SPHKAP: variants seen among roughly 807,000 people sequenced by gnomAD.
The protein encoded by SPHKAP is SPHK1 interactor, AKAP domain containing.
In SPHKAP, 67 loss-of-function variants were observed where a neutral mutation model predicts 137.5. That is an observed-to-expected ratio of 0.49 (90% CI 0.40 to 0.60). The LOEUF (loss-of-function observed/expected upper bound fraction) is 0.60, where lower values mean the gene tolerates loss of function less well. Ranked by LOEUF, SPHKAP falls within the 20% of genes least tolerant of loss-of-function variation. The probability of loss-of-function intolerance (pLI) is 0.00; values close to 1 mark genes in which losing one functional copy is unlikely to be tolerated. For missense variants in SPHKAP, 2,097 were observed against 2,069.3 expected (o/e 1.01, Z -0.26); for synonymous variants, 813 against 785.3 (o/e 1.04, Z -0.59).
At position 228,025,252 on chromosome 2, in the gene SPHKAP, T is replaced by C. The variant is rs58057526; in HGVS notation, c.441+142A>G. ...TGGCTCTATTTAAGAGAAATACAAA[T>C]GCAGACTTTTCTCAAATATAAAGAC... On this transcript the variant is annotated intron_variant, in intron 5 of 11. Transcript: ENST00000392056. 5,054 of 867,262 alleles carry C rather than the reference T, an allele frequency of 5.8e-3. 151 individuals are homozygous for C. The highest frequency in any genetic ancestry group is 0.055 in the Admixed American group (1,594 of 28,844). 53.7% of individuals were successfully genotyped at this position (867,262 alleles called of 1,614,324 possible). A position where few individuals can be genotyped will look rare whatever the true frequency, so the allele number is the denominator to read the frequency against.
intron 1 of SPHKAP, among the ~76,000 whole-genome samples, chr2:228,143,891 A>G (rs1699684942): frequency 6.6e-6 from 1 of 152,162 alleles, no homozygotes; most frequent in Admixed American, 6.5e-5. Flanking sequence ...ACGGACTACC[A>G]AGTCCTGCAT....
At position 228,139,948 on chromosome 2, in the gene SPHKAP, T is replaced by TCTTTCTTTCTTTC. The variant is rs374831194; in HGVS notation, c.33-7864_33-7863insGAAAGAAAGAAAG. 1.8e-4 allele frequency among the ~76,000 whole-genome samples: 26 copies of TCTTTCTTTCTTTC among 145,384 alleles called. No individual in the cohort carries two copies. In the East Asian group the frequency reaches 4.9e-3, roughly 28 times the overall value. On this transcript the variant is annotated intron_variant, in intron 1 of 11. Coordinates refer to ENST00000392056, the MANE Select transcript of SPHKAP (RefSeq NM_001142644.2). ...TTTCTTTCTTTCTTTTTCTTTTCTT[T>TCTTTCTTTCTTTC]TTTCTTTTTCTTTTGAGATAGAGTC...
chr2:228,109,349 G>T (rs35213836), intron 2 of SPHKAP: 118,055 of 979,110 alleles, frequency 0.12, 7,685 homozygotes, highest in Non-Finnish European at 0.13. Flanking sequence ...TTCATTGATG[G>T]AATATTGATT....
At chr2:228,020,250 A>T (rs1371262877) in intron 6 of SPHKAP, 94 bp from the exon 7 acceptor site, 1 of 1,475,688 alleles carries the variant, frequency 6.8e-7, no homozygotes, top group African/African-American at 1.4e-5. Flanking sequence ...TAAAACATCA[A>T]TAAAGACACA....
chr2:228,044,394 A>G (rs1384281129), intron 3 of SPHKAP, among the ~76,000 whole-genome samples: 1 of 152,224 alleles, frequency 6.6e-6, no homozygotes, highest in Non-Finnish European at 1.5e-5. Context: ...TTAATAAAAG[A>G]CATCAAGTGG....
chr2:228,052,766 G>A (rs1696304312), intron 3 of SPHKAP, among the ~76,000 whole-genome samples: 1 of 151,940 alleles, frequency 6.6e-6, no homozygotes, highest in Admixed American at 6.6e-5. Context: ...GAGTCTTGAT[G>A]TTTTGTTTTA....
At chr2:228,037,058 A>G (rs1695647095) in intron 3 of SPHKAP, among the ~76,000 whole-genome samples, 1 of 151,890 alleles carries the variant, frequency 6.6e-6, no homozygotes, top group Non-Finnish European at 1.5e-5. Flanking sequence ...TAGATAAAAT[A>G]TTTTTCAGCT....
At chr2:228,101,037 C>A (rs988876180) in intron 3 of SPHKAP, among the ~76,000 whole-genome samples, 3 of 152,122 alleles carry the variant, frequency 2.0e-5, no homozygotes, top group Non-Finnish European at 4.4e-5. Flanking sequence ...GTTGGCTGAT[C>A]TTTACTTTCT....
Position 228,016,298 on chromosome 2 carries a change from A to T in SPHKAP, c.4448+108T>A, listed in dbSNP as rs1349980453. 17 of 1,418,220 alleles carry T rather than the reference A, an allele frequency of 1.2e-5. No homozygotes were observed. The Admixed American group carries it at 1.3e-4, about 11-fold the overall frequency. 87.9% of individuals were successfully genotyped at this position (1,418,220 alleles called of 1,614,324 possible). ...TTTTTTTTTTTGGTCTTGAAAATTT[A>T]GTTCTTGCACCAATCAAATCCTTTA... is the stretch of plus-strand genomic sequence containing the variant. On this transcript the variant is annotated intron_variant, in intron 7 of 11. Transcript: ENST00000392056.
chr2:228,114,601 C>T (rs768601356), intron 2 of SPHKAP, among the ~76,000 whole-genome samples: 1 of 152,118 alleles, frequency 6.6e-6, no homozygotes, highest in Non-Finnish European at 1.5e-5. Flanking sequence ...TGAGAACATG[C>T]TTGTAAAGGG....
intron 3 of SPHKAP, among the ~76,000 whole-genome samples, chr2:228,093,729 GTGCC>G (rs34083066): frequency 0.45 from 67,223 of 150,864 alleles, 15,101 homozygotes; most frequent in South Asian, 0.53. Context: ...GTGGTGGCGG[GTGCC>G]TGTAATCTCA....
In SPHKAP at chr2:228,176,769, G is replaced by A. The variant is rs561350193; in HGVS notation, c.32+4798C>T. Among the ~76,000 whole-genome samples, 7 of 152,364 alleles carry A rather than the reference G, an allele frequency of 4.6e-5. No individual in the cohort carries two copies. In the East Asian group the frequency reaches 1.3e-3, roughly 29 times the overall value. ...GCCTGTAATCCCAGCTACTTGGGAG[G>A]CTGAGGCGGGAGAATCGCTCAAATC... On this transcript the variant is annotated intron_variant, in intron 1 of 11. Coordinates refer to ENST00000392056, the MANE Select transcript of SPHKAP (RefSeq NM_001142644.2).
intron 3 of SPHKAP, among the ~76,000 whole-genome samples, chr2:228,085,714 C>T (rs150324504): frequency 3.9e-5 from 6 of 152,148 alleles, no homozygotes; most frequent in Non-Finnish European, 8.8e-5. Flanking sequence ...GGCTTCTCTG[C>T]ACATTAAGTG....
intron 4 of SPHKAP, chr2:228,025,855 C>A (rs1487758076): frequency 1.0e-6 from 1 of 984,610 alleles, no homozygotes; most frequent in African/African-American, 1.7e-5. Flanking sequence ...CCTTTTAAGA[C>A]CTTGCATAAA....
At chr2:228,109,372 G>A (rs921226541) in intron 2 of SPHKAP, 1 of 984,364 alleles carries the variant, frequency 1.0e-6, no homozygotes, top group Admixed American at 6.2e-5. Context: ...TCACTTCTTT[G>A]GTTCTGCTAA....
At chr2:228,027,424 G>T in intron 4 of SPHKAP, 60 bp downstream of exon 4, 1 of 1,530,798 alleles carries the variant, frequency 6.5e-7, no homozygotes, top group Middle Eastern at 1.7e-4. Flanking sequence ...ATTTACAGAT[G>T]AAATCAAGTT....
chr2:228,134,649 A>G (rs750702388), intron 1 of SPHKAP, among the ~76,000 whole-genome samples: 5 of 152,206 alleles, frequency 3.3e-5, no homozygotes, highest in Non-Finnish European at 5.9e-5. Flanking sequence ...TGTGGAAGAT[A>G]AGGCCATGCA....
chr2:228,113,448 A>G (rs1308029641), intron 2 of SPHKAP, among the ~76,000 whole-genome samples: 1 of 152,096 alleles, frequency 6.6e-6, no homozygotes, highest in African/African-American at 2.4e-5. Flanking sequence ...TCCTTTGCCC[A>G]GGCTTAGAGG....
intron 3 of SPHKAP, among the ~76,000 whole-genome samples, chr2:228,077,399 C>T (rs1574828468): frequency 6.6e-6 from 1 of 152,186 alleles, no homozygotes; most frequent in East Asian, 1.9e-4. Flanking sequence ...GGAGGCTGTA[C>T]CTGGCAAAGC....
Sources: allele counts gnomAD v4.1 joint callset (sites outside exome capture counted in the v4.1 genomes callset), GRCh38; gene constraint gnomAD v4.1.1; transcripts MANE v1.5; gene names NCBI Gene and HGNC (gene_info 2026-07-23, HGNC 2026-07-21).